TRAM2: variants seen among roughly 807,000 people sequenced by gnomAD.
The protein encoded by TRAM2 is translocation associated membrane protein 2.
TRAM2 carries 12 observed loss-of-function variants against 51.0 expected under a neutral mutation model. The observed-to-expected ratio is 0.24, with a 90% CI of 0.15 to 0.38. The LOEUF is 0.38. Ranked by LOEUF, TRAM2 falls within the 10% of genes least tolerant of loss-of-function variation. The pLI is 1.00. For synonymous variants in TRAM2, 175 were observed against 179.4 expected, an observed-to-expected ratio of 0.98 and a Z score of 0.20; for missense variants, 361 against 462.0, an observed-to-expected ratio of 0.78 and a Z score of 2.00.
At chr6:52,508,984 A>C (rs1766399975) in intron 5 of TRAM2, among the ~76,000 whole-genome samples, 2 of 152,192 alleles carry the variant, frequency 1.3e-5, no homozygotes, top group South Asian at 4.1e-4. Context: ...CAGTGAGCTG[A>C]AATCATGCCA....
Position 52,509,560 on chromosome 6 carries a change from G to C in TRAM2, c.438C>G (p.Ser146Arg), listed in dbSNP as rs568794165. The change falls in exon 5 of 11, where the codon AGC (serine) becomes AGG (arginine). Residue 146 changes from serine (S) to arginine (R), a missense_variant. Ser to Arg is a moderately radical substitution (Grantham distance 110). Transcript: ENST00000182527. ...GCACATGCGGGTAGTCTTCCCAGAG[G>C]CTTCTTGGGTTTGTTAAGTATCCTT... ...VTEGYLTNPR[S>R]LWEDYPHVHL... The C allele has an allele frequency of 4.0e-5, 65 of 1,614,096 alleles. 1 individual carries two copies. The Middle Eastern group carries it at 6.6e-4, about 16-fold the overall frequency.
Position 52,576,431 on chromosome 6 carries a change from G to A in TRAM2, c.120+365C>T, listed in dbSNP as rs73429550. Among the ~76,000 whole-genome samples the A allele has an allele frequency of 4.9e-3, 752 of 152,364 alleles. 6 individuals carry two copies. The highest frequency in any genetic ancestry group is 0.017 in the African/African-American group (709 of 41,588). On this transcript the variant is annotated intron_variant, in intron 1 of 10. Transcript: ENST00000182527. The stretch of plus-strand genomic sequence containing the variant: ...TTGTGCAATGACTGCGGGTCTGGGA[G>A]TCTCTGGGCTTGGCTCCTGGACGCC...
intron 1 of TRAM2, among the ~76,000 whole-genome samples, chr6:52,550,615 G>A (rs1185737551): frequency 6.6e-6 from 1 of 152,088 alleles, no homozygotes; most frequent in East Asian, 1.9e-4. Context: ...GCAGTGGCAA[G>A]ATCTTAGTTC....
chr6:52,498,633 C>T lies in TRAM2; in HGVS notation c.*4564G>A, dbSNP rs902674841. 1.3e-5 allele frequency: 2 copies of T among 152,564 alleles called. No homozygotes were observed. The highest frequency in any genetic ancestry group is 2.9e-5 in the Non-Finnish European group (2 of 68,218). The allele number at this position is 152,564 out of a possible 1,614,324, so 9.5% of individuals were successfully genotyped here. A position where few individuals can be genotyped will look rare whatever the true frequency, so the allele number is the denominator to read the frequency against. ...GCTTGTGGTTGGGCCACCTCACAGA[C>T]TTCCACAGCCACCCAGCTGGGCCAG... On this transcript the variant is annotated 3_prime_UTR_variant, in exon 11 of 11. Coordinates refer to ENST00000182527, the MANE Select transcript of TRAM2 (RefSeq NM_012288.4).
At chr6:52,554,721 T>C (rs1321994192) in intron 1 of TRAM2, among the ~76,000 whole-genome samples, 1 of 151,964 alleles carries the variant, frequency 6.6e-6, no homozygotes, top group Non-Finnish European at 1.5e-5. Flanking sequence ...CCTTGTGTAG[T>C]TAATGTCTAG....
chr6:52,503,412 GC>G (rs1462102510), intron 10 of TRAM2, 142 bp from the exon 11 acceptor site: 15 of 733,000 alleles, frequency 2.0e-5, no homozygotes, highest in African/African-American at 3.5e-5. Flanking sequence ...CCAGGCTGCA[GC>G]CTTGCACAGC....
chr6:52,508,311 C>T lies in TRAM2; in HGVS notation c.478G>A (p.Val160Met). 6.2e-7 allele frequency: 1 copy of T among 1,613,692 alleles called. No individual in the cohort carries two copies. The highest frequency in any genetic ancestry group is 2.2e-5 in the East Asian group (1 of 44,878). ...AGCTGGCATAGGTAGAAAAACTTCA[C>T]CTGGAAGCTGGAGACAAGGGGGCAA... ...DYPHVHLPFQ[V>M]KFFYLCQLAY... is the part of the protein sequence containing the mutation. Residue 160 changes from valine (V) to methionine (M), a missense_variant, in exon 6 of 11, where the codon GTG becomes ATG. Val to Met is a conservative substitution (Grantham distance 21). Coordinates refer to ENST00000182527, the MANE Select transcript of TRAM2 (RefSeq NM_012288.4).
chr6:52,499,472 G>A lies in TRAM2; in HGVS notation c.*3725C>T, dbSNP rs6458841. 133,409 of 152,226 alleles carry A rather than the reference G, an allele frequency of 0.88. 58,481 individuals are homozygous for A. The highest frequency in any genetic ancestry group is 0.96 in the East Asian group (4,985 of 5,186). 9.4% of individuals were successfully genotyped at this position (152,226 alleles called of 1,614,324 possible). ...TGAAGCATACAAAGGAAACCCAAGC[G>A]AAGGCCTTTTCTAGGCACAAGGGGG... is the stretch of plus-strand genomic sequence containing the variant. On this transcript the variant is annotated 3_prime_UTR_variant, in exon 11 of 11. Coordinates refer to ENST00000182527, the MANE Select transcript of TRAM2 (RefSeq NM_012288.4).
At chr6:52,572,773 G>A (rs949530118) in intron 1 of TRAM2, among the ~76,000 whole-genome samples, 8 of 152,152 alleles carry the variant, frequency 5.3e-5, no homozygotes, top group African/African-American at 1.9e-4. Flanking sequence ...ATGAACCAGT[G>A]CCATGGAAGC....
chr6:52,511,427 C>T (rs1010240900), intron 4 of TRAM2, among the ~76,000 whole-genome samples: 1 of 152,172 alleles, frequency 6.6e-6, no homozygotes, highest in African/African-American at 2.4e-5. Flanking sequence ...AGCTGAAATC[C>T]GAGTTGGGCC....
At chr6:52,534,918 G>C (rs888697539) in intron 2 of TRAM2, among the ~76,000 whole-genome samples, 1 of 152,170 alleles carries the variant, frequency 6.6e-6, no homozygotes, top group Admixed American at 6.5e-5. Context: ...GATGCTGGCT[G>C]GGCTCCCTGT....
intron 1 of TRAM2, among the ~76,000 whole-genome samples, chr6:52,542,980 C>T (rs1767131271): frequency 6.6e-6 from 1 of 152,126 alleles, no homozygotes; most frequent in Non-Finnish European, 1.5e-5. Flanking sequence ...TAGGGAAAGC[C>T]CTTCCCCACT....
At chr6:52,538,424 C>G (rs1374319675) in intron 1 of TRAM2, among the ~76,000 whole-genome samples, 1 of 152,128 alleles carries the variant, frequency 6.6e-6, no homozygotes, top group Non-Finnish European at 1.5e-5. Context: ...AGGGGATAGA[C>G]CCTCTCCTCA....
intron 2 of TRAM2, among the ~76,000 whole-genome samples, chr6:52,518,948 T>G (rs1766609830): frequency 6.6e-6 from 1 of 152,228 alleles, no homozygotes; most frequent in South Asian, 2.1e-4. Flanking sequence ...TGACAAGACC[T>G]TAGATTATCC....
intron 1 of TRAM2, among the ~76,000 whole-genome samples, chr6:52,574,223 G>C (rs1006787514): frequency 4.6e-5 from 7 of 152,030 alleles, no homozygotes; most frequent in African/African-American, 1.7e-4. Context: ...TTGGTTATGA[G>C]GCGTCTCCCC....
intron 1 of TRAM2, among the ~76,000 whole-genome samples, chr6:52,568,153 CTT>C (rs1241130015): frequency 3.9e-5 from 6 of 152,350 alleles, no homozygotes; most frequent in African/African-American, 1.4e-4. Flanking sequence ...GTCCTCGCCC[CTT>C]TCACTGCACG....
At chr6:52,542,452 G>A (rs1378504686) in intron 1 of TRAM2, among the ~76,000 whole-genome samples, 4 of 152,120 alleles carry the variant, frequency 2.6e-5, no homozygotes, top group Admixed American at 6.5e-5. Context: ...TGTGCTTTCT[G>A]AAAATCTCCG....
At chr6:52,534,342 T>C (rs1766942764) in intron 2 of TRAM2, among the ~76,000 whole-genome samples, 1 of 152,036 alleles carries the variant, frequency 6.6e-6, no homozygotes, top group Non-Finnish European at 1.5e-5. Context: ...GATCAGGCCA[T>C]TGCACTCCAG....
At chr6:52,509,224 C>T (rs1272750592) in intron 5 of TRAM2, among the ~76,000 whole-genome samples, 1 of 152,016 alleles carries the variant, frequency 6.6e-6, no homozygotes, top group Non-Finnish European at 1.5e-5. Context: ...GTCAGGGGGT[C>T]GCCAAGAAGG....
Sources: gnomAD v4.1 joint callset for allele counts (sites outside exome capture counted in the v4.1 genomes callset) on GRCh38, gnomAD v4.1.1 for gene constraint, MANE v1.5 for transcripts, NCBI Gene and HGNC (gene_info 2026-07-23, HGNC 2026-07-21) for gene names.